Variants in CWC27 observed in about 807,000 individuals in gnomAD.
CWC27 encodes the protein CWC27 spliceosome associated cyclophilin, also known as spliceosome-associated protein CWC27 homolog.
In CWC27, 47 loss-of-function variants were observed where a neutral mutation model predicts 63.6. The observed-to-expected ratio is 0.74, with a 90% CI of 0.58 to 0.94. CWC27 has a LOEUF of 0.94. Ranked by LOEUF, CWC27 falls within the 40% of genes least tolerant of loss-of-function variation. CWC27 has a pLI of 0.00. For synonymous variants in CWC27, 175 were observed against 179.8 expected, an observed-to-expected ratio of 0.97 and a Z score of 0.22; for missense variants, 495 against 554.3, an observed-to-expected ratio of 0.89 and a Z score of 1.07.
At chr5:64,803,480 T>C (rs1744554731) in intron 9 of CWC27, among the ~76,000 whole-genome samples, 1 of 152,178 alleles carries the variant, frequency 6.6e-6, no homozygotes, top group South Asian at 2.1e-4. Flanking sequence ...AGATAGGTGA[T>C]AAGTACTTTG....
chr5:65,012,057 T>C (rs1749970626), intron 13 of CWC27, among the ~76,000 whole-genome samples: 1 of 152,234 alleles, frequency 6.6e-6, no homozygotes, highest in Admixed American at 6.5e-5. Flanking sequence ...AATTTCTCTT[T>C]TGAAATTTCT....
intron 9 of CWC27, 48 bp from the exon 10 acceptor site, chr5:64,804,181 A>G (rs756833834): frequency 6.6e-7 from 1 of 1,526,672 alleles, no homozygotes; most frequent in Non-Finnish European, 8.9e-7. Flanking sequence ...TCTAGAAATG[A>G]AAGGGGAAAT....
Position 64,933,324 on chromosome 5 carries a change from A to G in CWC27, c.1043-38379A>G, listed in dbSNP as rs376179893. 1.0e-3 allele frequency among the ~76,000 whole-genome samples: 158 copies of G among 152,350 alleles called. 1 individual carries two copies. The highest frequency in any genetic ancestry group is 3.7e-3 in the African/African-American group (152 of 41,582). ...ACTGACTTTCCACACTATTCAATCC[A>G]GAAGAGATAGTTACTTTTAGTTTTG... On this transcript the variant is annotated intron_variant, in intron 11 of 13. Coordinates refer to ENST00000381070, the MANE Select transcript of CWC27 (RefSeq NM_005869.4).
At chr5:64,925,304 A>C (rs1176848650) in intron 11 of CWC27, among the ~76,000 whole-genome samples, 1 of 152,156 alleles carries the variant, frequency 6.6e-6, no homozygotes, top group Non-Finnish European at 1.5e-5. Flanking sequence ...TGTCTGCATC[A>C]CTTGATTCTG....
At chr5:64,825,375 A>T (rs1163255806) in intron 10 of CWC27, among the ~76,000 whole-genome samples, 1 of 152,182 alleles carries the variant, frequency 6.6e-6, no homozygotes, top group Non-Finnish European at 1.5e-5. Context: ...TGTGAAAGTT[A>T]TATCTGGAAC....
intron 10 of CWC27, among the ~76,000 whole-genome samples, chr5:64,869,092 C>T (rs1746603339): frequency 2.6e-5 from 4 of 152,004 alleles, no homozygotes; most frequent in Admixed American, 2.0e-4. Context: ...TTATCAATTA[C>T]AATTTTTAAT....
chr5:65,012,353 G>GC (rs1298430969), intron 13 of CWC27, among the ~76,000 whole-genome samples: 1 of 152,064 alleles, frequency 6.6e-6, no homozygotes, highest in Non-Finnish European at 1.5e-5. Context: ...TATTTTTCCT[G>GC]CCCCCCACCA....
intron 10 of CWC27, among the ~76,000 whole-genome samples, chr5:64,853,125 T>A (rs1009901635): frequency 6.6e-6 from 1 of 152,204 alleles, no homozygotes; most frequent in African/African-American, 2.4e-5. Flanking sequence ...TCAAAGTGAC[T>A]AGGCGGCAGA....
At chr5:64,973,329 A>G (rs1749158897) in intron 12 of CWC27, among the ~76,000 whole-genome samples, 9 of 152,190 alleles carry the variant, frequency 5.9e-5, no homozygotes. Flanking sequence ...GGGCTGCAAT[A>G]TGGAGATTAG....
intron 12 of CWC27, among the ~76,000 whole-genome samples, chr5:64,974,239 TA>T (rs148357604): frequency 2.8e-4 from 41 of 146,636 alleles, no homozygotes; most frequent in Admixed American, 5.4e-4. Context: ...CTCTATCTCT[TA>T]AAAAAAAAAA....
chr5:64,991,711 G>A (rs1749540026), intron 13 of CWC27, among the ~76,000 whole-genome samples: 1 of 152,186 alleles, frequency 6.6e-6, no homozygotes, highest in Admixed American at 6.5e-5. Context: ...GGGCAACAGA[G>A]ACCCTGTCTC....
At chr5:64,802,436 A>G (rs1263581889) in intron 9 of CWC27, among the ~76,000 whole-genome samples, 3 of 152,164 alleles carry the variant, frequency 2.0e-5, no homozygotes, top group South Asian at 4.1e-4. Flanking sequence ...GAAGTGAGGA[A>G]CAGTTGAAAG....
At chr5:64,900,726 A>T (rs1056590222) in intron 11 of CWC27, among the ~76,000 whole-genome samples, 1 of 152,140 alleles carries the variant, frequency 6.6e-6, no homozygotes, top group Non-Finnish European at 1.5e-5. Flanking sequence ...CTTAATGTTT[A>T]TATATACAGT....
intron 13 of CWC27, among the ~76,000 whole-genome samples, chr5:65,009,664 T>C (rs1749911456): frequency 6.6e-6 from 1 of 152,176 alleles, no homozygotes; most frequent in African/African-American, 2.4e-5. Flanking sequence ...TCTCTCTCTC[T>C]GGCACATACT....
chr5:64,889,208 A>T (rs974473095), intron 11 of CWC27, among the ~76,000 whole-genome samples: 11 of 152,194 alleles, frequency 7.2e-5, no homozygotes, highest in African/African-American at 2.4e-4. Context: ...ATAGAATCAT[A>T]GAACAAAAAA....
At chr5:64,845,659 C>G (rs1745958408) in intron 10 of CWC27, among the ~76,000 whole-genome samples, 1 of 152,102 alleles carries the variant, frequency 6.6e-6, no homozygotes, top group Non-Finnish European at 1.5e-5. Context: ...AGCTGGAAGA[C>G]AGCATTTGAT....
At chr5:64,947,059 GT>G (rs1748604841) in intron 11 of CWC27, among the ~76,000 whole-genome samples, 1 of 151,932 alleles carries the variant, frequency 6.6e-6, no homozygotes, top group Non-Finnish European at 1.5e-5. Context: ...TTGATCCTTT[GT>G]TTTTTGAAAA....
At position 64,774,813 on chromosome 5, in the gene CWC27, G is replaced by A. The variant is rs371215899; in HGVS notation, c.139+26G>A. On this transcript the variant is annotated intron_variant, in intron 2 of 13. Transcript: ENST00000381070. ...GTATGTTGACTTTTATTCTACTGGA[G>A]AAATTCTTGTTAATTTAAAAATAAA... 63 of 1,275,884 alleles carry A rather than the reference G, an allele frequency of 4.9e-5. 1 individual carries two copies. The East Asian group carries it at 1.4e-3, about 27-fold the overall frequency. The allele number at this position is 1,275,884 out of a possible 1,614,324, so 79.0% of individuals were successfully genotyped here. A position where few individuals can be genotyped will look rare whatever the true frequency, so the allele number is the denominator to read the frequency against.
intron 12 of CWC27, among the ~76,000 whole-genome samples, chr5:64,973,684 T>C (rs1195451455): frequency 6.6e-6 from 1 of 152,142 alleles, no homozygotes; most frequent in Admixed American, 6.5e-5. Flanking sequence ...TAATCTTAAA[T>C]ATAGAAGAAG....
Sources: gnomAD v4.1 joint callset for allele counts (sites outside exome capture counted in the v4.1 genomes callset) on GRCh38, gnomAD v4.1.1 for gene constraint, MANE v1.5 for transcripts, NCBI Gene and HGNC (gene_info 2026-07-23, HGNC 2026-07-21) for gene names.